Variants in PBX3 observed in about 807,000 individuals in gnomAD.
PBX3 encodes pre-B-cell leukemia transcription factor 3.
A neutral mutation model predicts 48.5 loss-of-function variants in PBX3; 14 were observed. That is an observed-to-expected ratio of 0.29 (90% CI 0.19 to 0.45). The LOEUF is 0.45. Among genes scored for constraint, PBX3 ranks in the 20% least tolerant of loss-of-function variants. The pLI is 1.00. For synonymous variants in PBX3, 210 were observed against 200.3 expected (o/e 1.05, Z -0.41); for missense variants, 386 against 546.7 (o/e 0.71, Z 2.93).
chr9:125,790,067 A>T (rs781478196), intron 2 of PBX3, among the ~76,000 whole-genome samples: 2 of 152,230 alleles, frequency 1.3e-5, no homozygotes, highest in South Asian at 2.1e-4. Flanking sequence ...AGACATCTGC[A>T]AAGAAATACG....
intron 2 of PBX3, among the ~76,000 whole-genome samples, chr9:125,849,779 C>T (rs545422353): frequency 1.2e-3 from 182 of 152,010 alleles, no homozygotes; most frequent in Non-Finnish European, 1.4e-3. Flanking sequence ...TTATTTCAAT[C>T]ATCAGATTAT....
At chr9:125,826,676 A>G (rs1001928468) in intron 2 of PBX3, among the ~76,000 whole-genome samples, 1 of 152,130 alleles carries the variant, frequency 6.6e-6, no homozygotes, top group East Asian at 1.9e-4. Context: ...AGATGGTTCA[A>G]CTTATTGTGT....
intron 5 of PBX3, among the ~76,000 whole-genome samples, chr9:125,937,160 G>T (rs759442453): frequency 3.4e-4 from 51 of 152,168 alleles, no homozygotes; most frequent in Non-Finnish European, 5.4e-4. Context: ...GAATAAAACA[G>T]ATTAATATCA....
intron 2 of PBX3, among the ~76,000 whole-genome samples, chr9:125,790,493 A>G (rs1046635618): frequency 6.6e-6 from 1 of 152,080 alleles, no homozygotes; most frequent in East Asian, 1.9e-4. Flanking sequence ...AGCTCAGGCA[A>G]TCTGCTCGCC....
At chr9:125,956,602 A>G (rs770368645) in intron 5 of PBX3, among the ~76,000 whole-genome samples, 2 of 152,212 alleles carry the variant, frequency 1.3e-5, no homozygotes, top group Admixed American at 6.5e-5. Flanking sequence ...TCATTCCCCT[A>G]ATCACCAGAG....
chr9:125,773,779 G>A (rs1341933277), intron 2 of PBX3, among the ~76,000 whole-genome samples: 1 of 151,960 alleles, frequency 6.6e-6, no homozygotes, highest in Non-Finnish European at 1.5e-5. Flanking sequence ...TCCAAAATGT[G>A]TGTGCCAGTT....
intron 2 of PBX3, among the ~76,000 whole-genome samples, chr9:125,776,425 G>C (rs1440043625): frequency 6.6e-6 from 1 of 152,022 alleles, no homozygotes; most frequent in Admixed American, 6.5e-5. Flanking sequence ...TAAAAATGTT[G>C]TTGGATTTGG....
At chr9:125,755,044 T>C (rs1411828617) in intron 2 of PBX3, among the ~76,000 whole-genome samples, 1 of 152,122 alleles carries the variant, frequency 6.6e-6, no homozygotes, top group Non-Finnish European at 1.5e-5. Flanking sequence ...TCACAATGTT[T>C]AAACCATTAT....
At chr9:125,848,778 G>A (rs1181421763) in intron 2 of PBX3, among the ~76,000 whole-genome samples, 2 of 151,922 alleles carry the variant, frequency 1.3e-5, no homozygotes, top group Admixed American at 1.3e-4. Context: ...TGCCCTTATG[G>A]AACTTACATT....
At chr9:125,965,703 C>A in intron 8 of PBX3, 128 bp from the exon 9 acceptor site, 1 of 699,038 alleles carries the variant, frequency 1.4e-6, no homozygotes, top group South Asian at 1.8e-5. Flanking sequence ...CAACTCCTGC[C>A]ACAGTGGGTT....
At chr9:125,876,880 G>T (rs1840266258) in intron 2 of PBX3, among the ~76,000 whole-genome samples, 1 of 150,968 alleles carries the variant, frequency 6.6e-6, no homozygotes, top group Admixed American at 6.6e-5. Flanking sequence ...TACCTCCCAG[G>T]TTCAAGCAGT....
At chr9:125,916,650 T>G (rs988333284) in intron 3 of PBX3, among the ~76,000 whole-genome samples, 3 of 152,204 alleles carry the variant, frequency 2.0e-5, no homozygotes, top group Non-Finnish European at 4.4e-5. Context: ...TATTACTGAT[T>G]ATAAAATGCT....
At chr9:125,962,013 G>A in intron 6 of PBX3, 89 bp from the exon 7 acceptor site, 2 of 670,030 alleles carry the variant, frequency 3.0e-6, no homozygotes, top group Non-Finnish European at 5.4e-6. Context: ...TTTCCCTTCT[G>A]TACTTTTTCT....
intron 2 of PBX3, among the ~76,000 whole-genome samples, chr9:125,907,837 A>G (rs73667290): frequency 2.0e-5 from 3 of 152,164 alleles, no homozygotes; most frequent in South Asian, 2.1e-4. Flanking sequence ...TTATTTTCCC[A>G]TTTACTCACC....
chr9:125,958,010 G>A (rs10819089), intron 5 of PBX3, among the ~76,000 whole-genome samples: 85,909 of 152,064 alleles, frequency 0.56, 26,936 homozygotes, highest in Middle Eastern at 0.72. Context: ...TTTAAGAAGC[G>A]TAATCAGAAC....
chr9:125,770,482 A>G (rs1336173654), intron 2 of PBX3, among the ~76,000 whole-genome samples: 2 of 152,170 alleles, frequency 1.3e-5, no homozygotes, highest in Non-Finnish European at 2.9e-5. Flanking sequence ...AGATCTTTTG[A>G]TCTTCCTTCT....
intron 2 of PBX3, among the ~76,000 whole-genome samples, chr9:125,756,024 A>T (rs1836509673): frequency 6.6e-6 from 1 of 152,066 alleles, no homozygotes. Context: ...CAATGTCACT[A>T]AATTGAACTT....
intron 2 of PBX3, among the ~76,000 whole-genome samples, chr9:125,751,399 C>T (rs1836371403): frequency 6.6e-6 from 1 of 152,192 alleles, no homozygotes; most frequent in Non-Finnish European, 1.5e-5. Flanking sequence ...TTCTTATGCA[C>T]ATGGGGGATT....
chr9:125,792,988 G>A (rs964883993), intron 2 of PBX3, among the ~76,000 whole-genome samples: 1 of 151,748 alleles, frequency 6.6e-6, no homozygotes, highest in Non-Finnish European at 1.5e-5. Flanking sequence ...GTGAGCCACC[G>A]CGCCCGGCCG....
Sources: gnomAD v4.1 joint callset for allele counts (sites outside exome capture counted in the v4.1 genomes callset) on GRCh38, gnomAD v4.1.1 for gene constraint, MANE v1.5 for transcripts, NCBI Gene and HGNC (gene_info 2026-07-23, HGNC 2026-07-21) for gene names.